SMURF1: variants seen among roughly 807,000 people sequenced by gnomAD.
SMURF1 encodes E3 ubiquitin-protein ligase SMURF1.
SMURF1 carries 44 observed loss-of-function variants against 98.0 expected under a neutral mutation model. The ratio of observed to expected loss-of-function variants is 0.45; its 90% confidence interval spans 0.35 to 0.58. The LOEUF (loss-of-function observed/expected upper bound fraction) is 0.58. Among genes scored for constraint, SMURF1 ranks in the 20% least tolerant of loss-of-function variants. The pLI is 0.00. For missense variants in SMURF1, 687 were observed against 938.4 expected, an observed-to-expected ratio of 0.73 and a Z score of 3.50; for synonymous variants, 396 against 374.9, an observed-to-expected ratio of 1.06 and a Z score of -0.65.
At position 99,054,879 on chromosome 7, in the gene SMURF1, G is replaced by C; in HGVS notation, c.404-14C>G. The C allele has an allele frequency of 1.9e-6, 3 of 1,612,686 alleles. No individual in the cohort carries two copies. Among genetic ancestry groups the C allele is most frequent in the Non-Finnish European group, 2.5e-6 (3 of 1,179,256 alleles). ...TCTGTAAACTGACTAAAAGAGAAAA[G>C]AACGACTTGTGTTAAAACCCAGCGG... is the stretch of plus-strand genomic sequence containing the variant. On this transcript the variant is annotated splice_polypyrimidine_tract_variant and intron_variant, in intron 5 of 17. Coordinates refer to ENST00000361368, the MANE Select transcript of SMURF1 (RefSeq NM_181349.3).
At chr7:99,035,936 C>T (rs188487838) in intron 15 of SMURF1, 44 of 578,826 alleles carry the variant, frequency 7.6e-5, no homozygotes, top group South Asian at 1.6e-4. Flanking sequence ...CCCCAAGGAC[C>T]GCGGTGCACA....
At chr7:99,113,464 C>T (rs1465658829) in intron 1 of SMURF1, among the ~76,000 whole-genome samples, 1 of 152,114 alleles carries the variant, frequency 6.6e-6, no homozygotes, top group Non-Finnish European at 1.5e-5. Flanking sequence ...GAAGACATTA[C>T]AAAGCTAAAA....
chr7:99,035,963 T>C, intron 15 of SMURF1: 1 of 534,346 alleles, frequency 1.9e-6, no homozygotes, highest in South Asian at 2.1e-5. Flanking sequence ...GATGGGATGT[T>C]ATTTTATAAC....
chr7:99,128,824 G>A (rs115273820), intron 1 of SMURF1, among the ~76,000 whole-genome samples: 2,331 of 152,300 alleles, frequency 0.015, 48 homozygotes, highest in African/African-American at 0.05. Context: ...TAGCAACGAT[G>A]TCCAAAAACA....
chr7:99,063,244 TATATATATATATATATATATATATATA>T (rs1796087101), intron 1 of SMURF1, among the ~76,000 whole-genome samples: 153 of 14,510 alleles, frequency 0.011, 16 homozygotes, highest in South Asian at 0.043. Context: ...GATTTATTTA[TATATATATATATATATATATATATATA>T]TATATATATA....
chr7:99,037,438 A>G (rs896940646), intron 14 of SMURF1, among the ~76,000 whole-genome samples: 30 of 152,210 alleles, frequency 2.0e-4, no homozygotes, highest in African/African-American at 4.3e-4. Flanking sequence ...GGGTTTCACC[A>G]TGTTGGCCAT....
chr7:99,046,004 C>CA (rs1422110264), intron 10 of SMURF1, among the ~76,000 whole-genome samples: 2 of 151,944 alleles, frequency 1.3e-5, no homozygotes, highest in Non-Finnish European at 2.9e-5. Flanking sequence ...AACAACAAAA[C>CA]AAACACGATG....
Position 99,035,485 on chromosome 7 carries a change from A to G in SMURF1, c.2011+30T>C, listed in dbSNP as rs745596304. On this transcript the variant is annotated intron_variant, in intron 16 of 17. Coordinates refer to ENST00000361368, the MANE Select transcript of SMURF1 (RefSeq NM_181349.3). Reference sequence around the variant, plus strand: ...TGCCCACAGCGCACATAGACGCGTCATCGAATAGCCCTGCCTCCACGTCAG... The same window carrying G: ...TGCCCACAGCGCACATAGACGCGTCGTCGAATAGCCCTGCCTCCACGTCAG... 3.1e-6 allele frequency: 5 copies of G among 1,612,652 alleles called. No individual in the cohort carries two copies. The South Asian group carries it at 5.5e-5, about 18-fold the overall frequency.
rs915756025 is a variant in SMURF1 at position 99,050,841 on chromosome 7, C to T, written c.806+516G>A. Reference sequence around the variant, plus strand: ...AATCATATTAGGTAGTAATGCTATTCTAAAAGGAAATAAAAAGCAAAAGAA... The same window carrying T: ...AATCATATTAGGTAGTAATGCTATTTTAAAAGGAAATAAAAAGCAAAAGAA... On this transcript the variant is annotated intron_variant, in intron 8 of 17. Coordinates refer to ENST00000361368, the MANE Select transcript of SMURF1 (RefSeq NM_181349.3). 3 of 1,171,424 alleles carry T rather than the reference C, an allele frequency of 2.6e-6. No homozygotes were observed. The African/African-American group carries it at 4.7e-5, about 18-fold the overall frequency. The allele number at this position is 1,171,424 out of a possible 1,614,324, so 72.6% of individuals were successfully genotyped here. A position where few individuals can be genotyped will look rare whatever the true frequency, so the allele number is the denominator to read the frequency against.
At chr7:99,066,938 T>C (rs565615262) in intron 1 of SMURF1, among the ~76,000 whole-genome samples, 2 of 151,896 alleles carry the variant, frequency 1.3e-5, no homozygotes, top group African/African-American at 2.4e-5. Flanking sequence ...TCTAGAGATA[T>C]ATGGATAAAA....
At chr7:99,067,717 C>T (rs1038349383) in intron 1 of SMURF1, among the ~76,000 whole-genome samples, 12 of 152,056 alleles carry the variant, frequency 7.9e-5, no homozygotes, top group Admixed American at 2.6e-4. Flanking sequence ...TTTGGGAGGC[C>T]GAGGCGGGTG....
rs1798209079 is a variant in SMURF1 at position 99,143,841 on chromosome 7, CCGGCCCCGCCG to C, written c.-72_-62del. On this transcript the variant is annotated 5_prime_UTR_variant, in exon 1 of 18. Transcript: ENST00000361368. Reference sequence around the variant, plus strand: ...CCACCGCCCCCCAGCCCGGCCCGGCCCGGCCCCGCCGCCGCCGCCTCAAGGTTACGGCTCCG... The same window carrying C: ...CCACCGCCCCCCAGCCCGGCCCGGCCCCGCCGCCTCAAGGTTACGGCTCCG... 1.4e-6 allele frequency: 2 copies of C among 1,428,478 alleles called. No individual in the cohort carries two copies. Among genetic ancestry groups the C allele is most frequent in the Non-Finnish European group, 1.8e-6 (2 of 1,082,076 alleles). 88.5% of individuals were successfully genotyped at this position (1,428,478 alleles called of 1,614,324 possible).
intron 3 of SMURF1, among the ~76,000 whole-genome samples, chr7:99,058,715 A>C (rs1795946790): frequency 6.6e-6 from 1 of 152,252 alleles, no homozygotes; most frequent in South Asian, 2.1e-4. Context: ...ATTTGTATTA[A>C]CTAAAAGACA....
Position 99,033,139 on chromosome 7 carries a change from T to C in SMURF1, c.2012-18A>G. 1 of 1,559,432 alleles carries C rather than the reference T, an allele frequency of 6.4e-7. No homozygotes were observed. The highest frequency in any genetic ancestry group is 8.7e-7 in the Non-Finnish European group (1 of 1,151,260). ...TGTAGAACCTTACAAGACAACATTC[T>C]AGTTAATGTACTTCAGAGTTACAGC... is the stretch of plus-strand genomic sequence containing the variant. On this transcript the variant is annotated intron_variant, in intron 16 of 17. Transcript: ENST00000361368.
chr7:99,143,339 G>C (rs1320719730), intron 1 of SMURF1, among the ~76,000 whole-genome samples: 1 of 141,920 alleles, frequency 7.0e-6, no homozygotes, highest in Non-Finnish European at 1.5e-5. Context: ...GCCGGGGAGA[G>C]GTGAGGGGAA....
At chr7:99,078,194 C>T (rs949600916) in intron 1 of SMURF1, among the ~76,000 whole-genome samples, 7 of 149,910 alleles carry the variant, frequency 4.7e-5, no homozygotes, top group Admixed American at 6.7e-5. Flanking sequence ...CCCAGCTACA[C>T]GGGAGGCTGA....
intron 1 of SMURF1, among the ~76,000 whole-genome samples, chr7:99,101,513 C>T (rs1247381401): frequency 6.6e-6 from 1 of 152,172 alleles, no homozygotes; most frequent in African/African-American, 2.4e-5. Context: ...GAGACATGCA[C>T]AATTAAATTT....
intron 1 of SMURF1, among the ~76,000 whole-genome samples, chr7:99,105,654 A>G (rs1380655733): frequency 6.6e-6 from 1 of 152,184 alleles, no homozygotes; most frequent in Non-Finnish European, 1.5e-5. Flanking sequence ...TCTAGCTTCA[A>G]ATCTATGTTC....
chr7:99,139,235 A>T (rs1208914823), intron 1 of SMURF1, among the ~76,000 whole-genome samples: 1 of 152,210 alleles, frequency 6.6e-6, no homozygotes, highest in Non-Finnish European at 1.5e-5. Context: ...CACCATCTGA[A>T]TGCCAAAACA....
Sources: gnomAD v4.1 joint callset for allele counts (sites outside exome capture counted in the v4.1 genomes callset) on GRCh38, gnomAD v4.1.1 for gene constraint, MANE v1.5 for transcripts, NCBI Gene and HGNC (gene_info 2026-07-23, HGNC 2026-07-21) for gene names.